Variants in GSE1 observed in about 807,000 individuals in gnomAD.
The protein encoded by GSE1 is genetic suppressor element 1.
Under a neutral mutation model 112.6 loss-of-function variants are expected in GSE1, and 32 were observed. That is an observed-to-expected ratio of 0.28 (90% CI 0.21 to 0.38). GSE1 has a LOEUF of 0.38. Among genes scored for constraint, GSE1 ranks in the 10% least tolerant of loss-of-function variants. The pLI is 1.00. For missense variants in GSE1, 2,348 were observed against 1,699.2 expected, an observed-to-expected ratio of 1.38 and a Z score of -6.71; for synonymous variants, 1,115 against 735.6, an observed-to-expected ratio of 1.52 and a Z score of -8.35.
chr16:85,661,244 C>T lies in GSE1; in HGVS notation c.1739C>T (p.Ala580Val), dbSNP rs1401477469. The T allele has an allele frequency of 1.2e-6, 2 of 1,612,924 alleles. No individual in the cohort carries two copies. Among genetic ancestry groups the T allele is most frequent in the African/African-American group, 1.3e-5 (1 of 75,060 alleles). ...LISPKPQLHA[A>V]PTALWNPVSL... ...TCGCCCAAGCCCCAGCTCCATGCTG[C>T]ACCCACGGCCCTCTGGAACCCCGTG... is the stretch of plus-strand genomic sequence containing the variant. The change falls in exon 9 of 16, where the codon GCA becomes GTA. Residue 580 changes from alanine to valine, a missense_variant. Physicochemically the swap from Ala to Val is moderately conservative, Grantham distance 64. Coordinates refer to ENST00000253458, the MANE Select transcript of GSE1 (RefSeq NM_014615.5).
intron 14 of GSE1, among the ~76,000 whole-genome samples, chr16:85,669,792 TA>T (rs2053179059): frequency 1.3e-5 from 2 of 152,220 alleles, no homozygotes; most frequent in Non-Finnish European, 2.9e-5. Context: ...GCAGAAATCT[TA>T]ACTGTACCTT....
intron 2 of GSE1, among the ~76,000 whole-genome samples, chr16:85,535,321 T>G (rs1008761591): frequency 6.6e-6 from 1 of 152,206 alleles, no homozygotes; most frequent in Non-Finnish European, 1.5e-5. Context: ...GTGCTCGTCT[T>G]TGCCTCCCCT....
upstream of GSE1, among the ~76,000 whole-genome samples, chr16:85,607,530 A>G (rs575225368): frequency 1.3e-5 from 2 of 152,312 alleles, no homozygotes; most frequent in East Asian, 3.9e-4. Context: ...CTGAGAGGGC[A>G]GGAAGTGTGG....
chr16:85,247,111 T>C (rs1029502947), intron 1 of GSE1, among the ~76,000 whole-genome samples: 1 of 152,154 alleles, frequency 6.6e-6, no homozygotes, highest in African/African-American at 2.4e-5. Flanking sequence ...TGACCGCCTC[T>C]GGTACACCTC....
chr16:85,514,523 C>G (rs545587967), intron 2 of GSE1, among the ~76,000 whole-genome samples: 1 of 151,954 alleles, frequency 6.6e-6, no homozygotes, highest in African/African-American at 2.4e-5. Flanking sequence ...GCTGTGTAGC[C>G]CCCTTGCCTG....
chr16:85,230,630 G>A (rs1005756489), intron 1 of GSE1, among the ~76,000 whole-genome samples: 3 of 152,210 alleles, frequency 2.0e-5, no homozygotes, highest in African/African-American at 2.4e-5. Context: ...CTAGGCTGAC[G>A]TCTAGTGATC....
In GSE1 at chr16:85,649,107, C is replaced by T. The variant is rs1007450163; in HGVS notation, c.426+356C>T. On this transcript the variant is annotated intron_variant, in intron 3 of 15. Coordinates refer to ENST00000253458, the MANE Select transcript of GSE1 (RefSeq NM_014615.5). ...GCCGGTGGCTGCCTTCTCCCTGGGTCGTCTGTGGTGTCTCCATGTCTGGGT... is the reference window on the plus strand; with the variant it reads ...GCCGGTGGCTGCCTTCTCCCTGGGTTGTCTGTGGTGTCTCCATGTCTGGGT... Among the ~76,000 whole-genome samples, 5 of 152,128 alleles carry T rather than the reference C, an allele frequency of 3.3e-5. No individual in the cohort carries two copies. In the South Asian group the frequency reaches 6.2e-4, roughly 19 times the overall value.
chr16:85,665,211 T>G (rs2052743388), intron 12 of GSE1, 83 bp downstream of exon 12: 1 of 750,858 alleles, frequency 1.3e-6, no homozygotes, highest in Non-Finnish European at 2.3e-6. Flanking sequence ...CTCGAGGTCT[T>G]CATCATTGTG....
Position 85,673,310 on chromosome 16 carries a change from T to C in GSE1, c.*771T>C, listed in dbSNP as rs2053487250. ...ATTTTGAGAGAAAAGTCAAAGGTGCTTCAGCCTTGTACTGTGTATATATAT... is the reference window on the plus strand; with the variant it reads ...ATTTTGAGAGAAAAGTCAAAGGTGCCTCAGCCTTGTACTGTGTATATATAT... On this transcript the variant is annotated 3_prime_UTR_variant, in exon 16 of 16. Coordinates refer to ENST00000253458, the MANE Select transcript of GSE1 (RefSeq NM_014615.5). 1 of 152,602 alleles carries C rather than the reference T, an allele frequency of 6.6e-6. No individual in the cohort carries two copies. The highest frequency in any genetic ancestry group is 1.5e-5 in the Non-Finnish European group (1 of 68,044). The allele number at this position is 152,602 out of a possible 1,614,324, so 9.5% of individuals were successfully genotyped here.
intron 2 of GSE1, among the ~76,000 whole-genome samples, chr16:85,499,927 C>G (rs1371261995): frequency 1.3e-5 from 2 of 152,184 alleles, no homozygotes; most frequent in Non-Finnish European, 2.9e-5. Flanking sequence ...AAGCAAGACC[C>G]ATGGAGACGT....
chr16:85,592,113 C>T (rs1388961619), intron 1 of GSE1, among the ~76,000 whole-genome samples: 1 of 151,948 alleles, frequency 6.6e-6, no homozygotes, highest in Non-Finnish European at 1.5e-5. Context: ...AGGAGCTTTT[C>T]TGTGCAGATT....
intron 1 of GSE1, among the ~76,000 whole-genome samples, chr16:85,293,419 G>A (rs1354777159): frequency 1.3e-5 from 2 of 152,124 alleles, no homozygotes; most frequent in African/African-American, 4.8e-5. Flanking sequence ...GGTGGTGTGT[G>A]CCCGTAATCC....
Position 85,649,258 on chromosome 16 carries a change from G to GAACT in GSE1, c.426+507_426+508insAACT, listed in dbSNP as rs2051135260. ...AATGCAGTTCCGTTCTGAGGCCCTG[G>GAACT]GCATCAGGGCTCTAACACGGATTTG... On this transcript the variant is annotated intron_variant, in intron 3 of 15. Transcript: ENST00000253458. Among the ~76,000 whole-genome samples, 3 of 152,100 alleles carry GAACT rather than the reference G, an allele frequency of 2.0e-5. No individual in the cohort carries two copies. The South Asian group carries it at 6.2e-4, about 32-fold the overall frequency.
intron 1 of GSE1, among the ~76,000 whole-genome samples, chr16:85,309,749 C>A (rs1427545041): frequency 6.6e-6 from 1 of 152,222 alleles, no homozygotes; most frequent in Non-Finnish European, 1.5e-5. Flanking sequence ...TGCTGCAGAG[C>A]CGAGCGGCAG....
At chr16:85,589,996 G>T (rs911096275) in intron 1 of GSE1, among the ~76,000 whole-genome samples, 1 of 152,090 alleles carries the variant, frequency 6.6e-6, no homozygotes, top group Non-Finnish European at 1.5e-5. Flanking sequence ...GTGTGAATGT[G>T]AGACTGTGTG....
At chr16:85,350,517 G>T (rs1257448982) in intron 1 of GSE1, among the ~76,000 whole-genome samples, 1 of 152,150 alleles carries the variant, frequency 6.6e-6, no homozygotes, top group African/African-American at 2.4e-5. Context: ...CTGCCCAGCA[G>T]CCAGGGTGTG....
At chr16:85,626,656 C>G (rs1056622140) in intron 1 of GSE1, among the ~76,000 whole-genome samples, 67 of 152,170 alleles carry the variant, frequency 4.4e-4, no homozygotes, top group African/African-American at 1.6e-3. Context: ...GAACCGGGAC[C>G]CAGCAGAAAA....
chr16:85,496,228 A>G lies in GSE1; in HGVS notation c.2465-137686A>G, dbSNP rs115245524. 8.0e-3 allele frequency among the ~76,000 whole-genome samples: 1,216 copies of G among 152,242 alleles called. 18 individuals carry two copies. Among genetic ancestry groups the G allele is most frequent in the African/African-American group, 0.028 (1,146 of 41,544 alleles). On this transcript the variant is annotated intron_variant, in intron 2 of 2. Coordinates refer to the GSE1 transcript ENST00000637419. ...CCAATGGCAATTCCCAGAACCATCC[A>G]TCTCCCGCCACCCCGTGCCTCCAAG...
At chr16:85,506,286 C>T (rs952017265) in intron 2 of GSE1, among the ~76,000 whole-genome samples, 1 of 152,162 alleles carries the variant, frequency 6.6e-6, no homozygotes, top group African/African-American at 2.4e-5. Context: ...CTGAATTTTT[C>T]CTTTGATTTT....
Sources: allele counts gnomAD v4.1 joint callset (sites outside exome capture counted in the v4.1 genomes callset), GRCh38; gene constraint gnomAD v4.1.1; transcripts MANE v1.5; gene names NCBI Gene and HGNC (gene_info 2026-07-23, HGNC 2026-07-21).